Variants in SFMBT2 observed in about 807,000 individuals in gnomAD.
SFMBT2 encodes the protein Scm like with four mbt domains 2, also known as scm-like with four MBT domains protein 2.
A neutral mutation model predicts 110.1 loss-of-function variants in SFMBT2; 38 were observed. The ratio of observed to expected loss-of-function variants is 0.35; its 90% confidence interval spans 0.27 to 0.45. The LOEUF (loss-of-function observed/expected upper bound fraction) is 0.45, where lower values mean the gene tolerates loss of function less well. SFMBT2 is among the 20% of genes least tolerant of loss of function. The pLI, the probability that SFMBT2 is intolerant of heterozygous loss-of-function variation, is 1.00. For synonymous variants in SFMBT2, 425 were observed against 425.4 expected, an observed-to-expected ratio of 1.00 and a Z score of 0.01; for missense variants, 1,011 against 1,094.9, an observed-to-expected ratio of 0.92 and a Z score of 1.08.
At chr10:7,192,652 G>A (rs1412360167) in intron 15 of SFMBT2, among the ~76,000 whole-genome samples, 2 of 152,162 alleles carry the variant, frequency 1.3e-5, no homozygotes, top group African/African-American at 2.4e-5. Flanking sequence ...AGCCACAGGG[G>A]CAGAAATCGA....
intron 13 of SFMBT2, 85 bp from the exon 14 acceptor site, chr10:7,200,569 G>A (rs1436217822): frequency 7.1e-6 from 8 of 1,126,828 alleles, no homozygotes; most frequent in Non-Finnish European, 9.9e-6. Flanking sequence ...TAATTTAAAA[G>A]GGCTCTTCCA....
intron 13 of SFMBT2, 26 bp from the exon 14 acceptor site, chr10:7,200,510 C>G (rs1311746764): frequency 1.9e-6 from 3 of 1,574,796 alleles, no homozygotes; most frequent in Non-Finnish European, 8.6e-7. Flanking sequence ...ATAAAACTAT[C>G]AGGGACCACA....
At position 7,382,192 on chromosome 10, in the gene SFMBT2, T is replaced by C. The variant is rs568913588; in HGVS notation, c.-51-243A>G. On this transcript the variant is annotated intron_variant, in intron 1 of 20. Transcript: ENST00000397167. ...TGGGAGACCGAGGTGGGTGGATCAC[T>C]TGAGGTCAGGAGTTCGAGACCACCC... 7.2e-5 allele frequency among the ~76,000 whole-genome samples: 11 copies of C among 152,120 alleles called. No individual in the cohort carries two copies. In the East Asian group the frequency reaches 1.5e-3, roughly 21 times the overall value.
chr10:7,247,653 G>A (rs758591633), intron 8 of SFMBT2, among the ~76,000 whole-genome samples: 8 of 152,032 alleles, frequency 5.3e-5, no homozygotes, highest in Non-Finnish European at 4.4e-5. Context: ...AGAAAATCCC[G>A]TATCTTTAAG....
chr10:7,234,865 A>G (rs10795535), intron 9 of SFMBT2, among the ~76,000 whole-genome samples: 36,009 of 152,178 alleles, frequency 0.24, 4,361 homozygotes, highest in South Asian at 0.35. Flanking sequence ...GAGGGCAGAC[A>G]ACAGCCTGGT....
chr10:7,405,074 ATT>A (rs919151734), intron 1 of SFMBT2, among the ~76,000 whole-genome samples: 2 of 152,214 alleles, frequency 1.3e-5, no homozygotes, highest in Non-Finnish European at 2.9e-5. Context: ...TGTCCCAGAA[ATT>A]TTTAGTCTAA....
At position 7,216,541 on chromosome 10, in the gene SFMBT2, TC is replaced by T. The variant is rs199976743; in HGVS notation, c.1330+3869del. ...CTCATCAGTCTTGAGTATGTCTTCA[TC>T]AGCAGCATGAAAGTGGACTAATACA... On this transcript the variant is annotated intron_variant, in intron 11 of 20. Coordinates refer to ENST00000397167, the MANE Select transcript of SFMBT2 (RefSeq NM_001387889.1). Among the ~76,000 whole-genome samples the T allele has an allele frequency of 2.7e-4, 41 of 152,334 alleles. No individual in the cohort carries two copies. In the East Asian group the frequency reaches 7.7e-3, roughly 29 times the overall value.
intron 4 of SFMBT2, among the ~76,000 whole-genome samples, chr10:7,343,637 T>C (rs1236080517): frequency 6.6e-6 from 1 of 152,248 alleles, no homozygotes; most frequent in African/African-American, 2.4e-5. Flanking sequence ...TCCCTAATAA[T>C]TAATGATATT....
chr10:7,254,516 C>T (rs927379284), intron 7 of SFMBT2, among the ~76,000 whole-genome samples: 5 of 152,240 alleles, frequency 3.3e-5, no homozygotes, highest in African/African-American at 1.2e-4. Context: ...AATCATGTGA[C>T]TCATGATGAT....
At chr10:7,246,341 G>C (rs1840608662) in intron 8 of SFMBT2, among the ~76,000 whole-genome samples, 1 of 152,024 alleles carries the variant, frequency 6.6e-6, no homozygotes, top group Admixed American at 6.6e-5. Context: ...AAGAGATTTG[G>C]GCTGAAATTA....
rs898583817 is a variant in SFMBT2 at position 7,176,487 on chromosome 10, C to T, written c.1809-322G>A. The T allele has an allele frequency of 5.2e-5, 51 of 985,164 alleles. No homozygotes were observed. In the Admixed American group the frequency reaches 5.5e-4, roughly 11 times the overall value. The allele number at this position is 985,164 out of a possible 1,614,324, so 61.0% of individuals were successfully genotyped here. ...ATACATACCTGATGGGCATGGCTCT[C>T]GAAATGAGGTTAGTGAAATCGAATG... is the stretch of plus-strand genomic sequence containing the variant. On this transcript the variant is annotated intron_variant, in intron 16 of 20. Coordinates refer to ENST00000397167, the MANE Select transcript of SFMBT2 (RefSeq NM_001387889.1).
At chr10:7,357,190 C>A (rs1363329829) in intron 4 of SFMBT2, among the ~76,000 whole-genome samples, 1 of 152,052 alleles carries the variant, frequency 6.6e-6, no homozygotes, top group African/African-American at 2.4e-5. Context: ...AGCAAGTGGG[C>A]GATTCAGCTC....
intron 4 of SFMBT2, among the ~76,000 whole-genome samples, chr10:7,328,408 G>A (rs1843462046): frequency 6.6e-6 from 1 of 152,062 alleles, no homozygotes; most frequent in Non-Finnish European, 1.5e-5. Flanking sequence ...TTTTCTCTCA[G>A]TCTGTATTTG....
Position 7,180,133 on chromosome 10 carries a change from C to CTTTT in SFMBT2, c.1809-3972_1809-3969dup, listed in dbSNP as rs34158255. 1.8e-3 allele frequency among the ~76,000 whole-genome samples: 237 copies of CTTTT among 129,044 alleles called. 1 individual carries two copies. Among genetic ancestry groups the CTTTT allele is most frequent in the African/African-American group, 5.4e-3 (198 of 36,838 alleles). 84.7% of individuals were successfully genotyped at this position (129,044 alleles called of 152,430 possible). A position where few individuals can be genotyped will look rare whatever the true frequency, so the allele number is the denominator to read the frequency against. ...TTTTATTTAGGTTTGCTTTTTTTTG[C>CTTTT]TTTTTTTGAGACAGGGTCTCACTTA... On this transcript the variant is annotated intron_variant, in intron 16 of 20. Coordinates refer to ENST00000397167, the MANE Select transcript of SFMBT2 (RefSeq NM_001387889.1).
At chr10:7,259,602 T>A (rs1841133658) in intron 7 of SFMBT2, among the ~76,000 whole-genome samples, 1 of 152,236 alleles carries the variant, frequency 6.6e-6, no homozygotes, top group South Asian at 2.1e-4. Context: ...GAAGGGCACA[T>A]GCCCCTGGCC....
intron 1 of SFMBT2, among the ~76,000 whole-genome samples, chr10:7,384,322 G>A (rs1022785791): frequency 6.0e-5 from 9 of 150,742 alleles, no homozygotes; most frequent in African/African-American, 9.8e-5. Flanking sequence ...GGGGCACCTC[G>A]GAGGAAGCGA....
chr10:7,307,264 T>C (rs1385186599), intron 4 of SFMBT2, among the ~76,000 whole-genome samples: 2 of 152,176 alleles, frequency 1.3e-5, no homozygotes, highest in Non-Finnish European at 2.9e-5. Flanking sequence ...AAGATGTACA[T>C]TTTCCTTAAA....
At chr10:7,362,679 C>T (rs370541172) in intron 4 of SFMBT2, among the ~76,000 whole-genome samples, 40 of 152,358 alleles carry the variant, frequency 2.6e-4, no homozygotes, top group African/African-American at 6.7e-4. Flanking sequence ...ACTCAGCTTC[C>T]GCTGATTACT....
At chr10:7,333,012 G>A (rs747381007) in intron 4 of SFMBT2, among the ~76,000 whole-genome samples, 8 of 152,096 alleles carry the variant, frequency 5.3e-5, no homozygotes, top group East Asian at 1.9e-4. Flanking sequence ...GATTACAGGC[G>A]CACACCACCA....
Sources: allele counts gnomAD v4.1 joint callset (sites outside exome capture counted in the v4.1 genomes callset), GRCh38; gene constraint gnomAD v4.1.1; transcripts MANE v1.5; gene names NCBI Gene and HGNC (gene_info 2026-07-23, HGNC 2026-07-21).